The following GSAP variants were observed in gnomAD, a reference collection of about 807,000 sequenced individuals.
GSAP encodes gamma-secretase activating protein.
GSAP carries 118 observed loss-of-function variants against 131.7 expected under a neutral mutation model. The observed-to-expected ratio is 0.90, with a 90% confidence interval of 0.77 to 1.04. The LOEUF (loss-of-function observed/expected upper bound fraction) is 1.04. Ranked by LOEUF, GSAP falls within the 50% of genes least tolerant of loss-of-function variation. The pLI, the probability that GSAP is intolerant of heterozygous loss-of-function variation, is 0.00. For synonymous variants in GSAP, 381 were observed against 363.4 expected (o/e 1.05, Z -0.55); for missense variants, 1,019 against 1,013.2 (o/e 1.01, Z -0.08).
intron 6 of GSAP, among the ~76,000 whole-genome samples, chr7:77,384,126 T>C (rs1679786958): frequency 6.6e-6 from 1 of 152,358 alleles, no homozygotes. Context: ...CAGAGATGAA[T>C]GACACCACAT....
At chr7:77,345,250 C>T (rs559422881) in intron 19 of GSAP, among the ~76,000 whole-genome samples, 2 of 152,180 alleles carry the variant, frequency 1.3e-5, no homozygotes, top group Non-Finnish European at 2.9e-5. Flanking sequence ...AACAACCCCA[C>T]AATATCACCC....
intron 5 of GSAP, among the ~76,000 whole-genome samples, chr7:77,391,476 T>C (rs1799531757): frequency 6.6e-6 from 1 of 152,174 alleles, no homozygotes; most frequent in Non-Finnish European, 1.5e-5. Context: ...TATCCTGGTA[T>C]TTACTTCACA....
At chr7:77,392,472 C>T (rs979081093) in intron 5 of GSAP, among the ~76,000 whole-genome samples, 3 of 150,024 alleles carry the variant, frequency 2.0e-5, no homozygotes, top group African/African-American at 4.9e-5. Flanking sequence ...CGCTTGAACC[C>T]GGAAGTTGGA....
chr7:77,412,979 A>G (rs181391818), intron 1 of GSAP, among the ~76,000 whole-genome samples: 90 of 152,250 alleles, frequency 5.9e-4, no homozygotes, highest in African/African-American at 2.1e-3. Flanking sequence ...CTAGAGAAAC[A>G]TATGCCTGTG....
chr7:77,416,560 G>A (rs1002507458), upstream of GSAP: 4 of 384,836 alleles, frequency 1.0e-5, no homozygotes, highest in Non-Finnish European at 1.9e-5. Flanking sequence ...GTGGGGCGGG[G>A]TGGACCAGGC....
At chr7:77,320,962 G>T (rs1014754143) in intron 25 of GSAP, 143 bp from the exon 26 acceptor site, 21 of 636,576 alleles carry the variant, frequency 3.3e-5, no homozygotes, top group Non-Finnish European at 5.4e-5. Context: ...CCATAAATAT[G>T]AATGTGACCA....
At chr7:77,385,657 G>C (rs2151062168) in intron 6 of GSAP, among the ~76,000 whole-genome samples, 1 of 152,290 alleles carries the variant, frequency 6.6e-6, no homozygotes, top group South Asian at 2.1e-4. Flanking sequence ...ATGCAGCTTG[G>C]GAGCTTCAGG....
At chr7:77,400,803 T>C (rs1488530095) in intron 3 of GSAP, among the ~76,000 whole-genome samples, 1 of 152,132 alleles carries the variant, frequency 6.6e-6, no homozygotes, top group East Asian at 1.9e-4. Context: ...CTGACAAAGA[T>C]TTTAAAACGG....
Position 77,381,374 on chromosome 7 carries a change from A to C in GSAP, c.527-20T>G, listed in dbSNP as rs371071846. 3.1e-5 allele frequency: 42 copies of C among 1,364,146 alleles called. No homozygotes were observed. Among genetic ancestry groups the C allele is most frequent in the African/African-American group, 1.2e-4 (8 of 67,742 alleles). The allele number at this position is 1,364,146 out of a possible 1,614,324, so 84.5% of individuals were successfully genotyped here. A position where few individuals can be genotyped will look rare whatever the true frequency, so the allele number is the denominator to read the frequency against. ...CAATATCTTTAAAAGAAAAACAAAG[A>C]AAGATAATTTAACCTTAAGGAAATA... On this transcript the variant is annotated intron_variant, in intron 7 of 30. Coordinates refer to ENST00000257626, the MANE Select transcript of GSAP (RefSeq NM_017439.4).
intron 19 of GSAP, among the ~76,000 whole-genome samples, chr7:77,338,509 G>C (rs1420993579): frequency 6.6e-6 from 1 of 152,182 alleles, no homozygotes; most frequent in Non-Finnish European, 1.5e-5. Context: ...TAAACTGGAT[G>C]GCTTATCAAC....
At position 77,321,329 on chromosome 7, in the gene GSAP, G is replaced by T; in HGVS notation, c.1994+4C>A. 1 of 1,557,622 alleles carries T rather than the reference G, an allele frequency of 6.4e-7. No individual in the cohort carries two copies. The highest frequency in any genetic ancestry group is 1.1e-5 in the South Asian group (1 of 89,872). On this transcript the variant is annotated splice_donor_region_variant and intron_variant, in intron 25 of 30. Coordinates refer to ENST00000257626, the MANE Select transcript of GSAP (RefSeq NM_017439.4). ...CATGATAAAAGTGAGAAATACTTGCGTACAAGTGGAGAACCCAGGAATGAA... is the reference window on the plus strand; with the variant it reads ...CATGATAAAAGTGAGAAATACTTGCTTACAAGTGGAGAACCCAGGAATGAA...
intron 19 of GSAP, among the ~76,000 whole-genome samples, chr7:77,346,940 A>ACCC (rs1381587491): frequency 4.3e-5 from 3 of 70,042 alleles, no homozygotes; most frequent in Non-Finnish European, 6.0e-5. Context: ...CCCCACCACC[A>ACCC]CCCCCCGCCC....
intron 8 of GSAP, among the ~76,000 whole-genome samples, chr7:77,379,577 C>T (rs1234088377): frequency 1.3e-5 from 2 of 151,760 alleles, no homozygotes; most frequent in Admixed American, 6.6e-5. Context: ...GTCTGTCTGC[C>T]TCTCTCTCTC....
chr7:77,363,816 C>T (rs867038431), intron 12 of GSAP, among the ~76,000 whole-genome samples: 53 of 152,218 alleles, frequency 3.5e-4, no homozygotes, highest in African/African-American at 1.0e-3. Flanking sequence ...ATGACTGTTA[C>T]GGTTACTGAG....
chr7:77,351,121 A>G (rs1792808211), intron 18 of GSAP: 1 of 977,898 alleles, frequency 1.0e-6, no homozygotes, highest in Non-Finnish European at 1.2e-6. Flanking sequence ...GGGGACAGAG[A>G]AATAAGTTTT....
intron 3 of GSAP, among the ~76,000 whole-genome samples, chr7:77,401,762 G>T (rs1387008490): frequency 2.0e-5 from 3 of 152,136 alleles, no homozygotes; most frequent in Non-Finnish European, 4.4e-5. Flanking sequence ...TGCCTGATGA[G>T]GATCCTAAAG....
chr7:77,316,053 G>A (rs999225177), intron 26 of GSAP: 1 of 152,192 alleles, frequency 6.6e-6, no homozygotes, highest in Non-Finnish European at 1.5e-5. Context: ...AGACTTTGAG[G>A]AGGTAATGAA....
At chr7:77,405,905 T>C (rs78716564) in intron 2 of GSAP, 124 bp downstream of exon 2, 5,579 of 346,558 alleles carry the variant, frequency 0.016, 321 homozygotes, top group African/African-American at 0.12. Flanking sequence ...TAAGATTAAA[T>C]GCCAACAAGT....
chr7:77,394,069 A>G (rs898796645), intron 5 of GSAP, among the ~76,000 whole-genome samples: 1 of 152,204 alleles, frequency 6.6e-6, no homozygotes, highest in Non-Finnish European at 1.5e-5. Context: ...TTAGACTGTA[A>G]TAATTCTCTC....
Sources: allele counts gnomAD v4.1 joint callset (sites outside exome capture counted in the v4.1 genomes callset), GRCh38; gene constraint gnomAD v4.1.1; transcripts MANE v1.5; gene names NCBI Gene and HGNC (gene_info 2026-07-23, HGNC 2026-07-21).